Variants in CCDC169 observed in about 807,000 individuals in gnomAD.
CCDC169 encodes the protein coiled-coil domain-containing protein 169.
Under a neutral mutation model 36.0 loss-of-function variants are expected in CCDC169, and 30 were observed. That is an observed-to-expected ratio of 0.83 (90% CI 0.62 to 1.13). The LOEUF (loss-of-function observed/expected upper bound fraction) is 1.13. Ranked by LOEUF, CCDC169 falls within the 50% of genes most tolerant of loss-of-function variation. The pLI, the probability that CCDC169 is intolerant of heterozygous loss-of-function variation, is 0.00. For missense variants in CCDC169, 245 were observed against 245.9 expected (o/e 1.00, Z 0.03); for synonymous variants, 85 against 81.5 (o/e 1.04, Z -0.23).
downstream of CCDC169, chr13:36,226,875 G>A (rs760741176): frequency 8.3e-6 from 3 of 361,884 alleles, no homozygotes; most frequent in African/African-American, 2.1e-5. Context: ...GGGATTATTT[G>A]TGCCCCAAAT....
At chr13:36,292,079 C>T (rs1234191887) in intron 2 of CCDC169, among the ~76,000 whole-genome samples, 1 of 151,578 alleles carries the variant, frequency 6.6e-6, no homozygotes, top group Non-Finnish European at 1.5e-5. Flanking sequence ...ACCTCTACCT[C>T]CCGGTTCAAT....
At chr13:36,222,006 G>A (rs917222438), downstream of CCDC169, 12 of 152,150 alleles carry the variant, frequency 7.9e-5, no homozygotes, top group African/African-American at 1.9e-4. Context: ...TAGCAAAATG[G>A]ATTTTTATAT....
chr13:36,289,347 G>A (rs530454173), intron 2 of CCDC169, among the ~76,000 whole-genome samples: 1 of 152,068 alleles, frequency 6.6e-6, no homozygotes, highest in East Asian at 1.9e-4. Flanking sequence ...ATGCTAAAAT[G>A]TTTTATCTTA....
chr13:36,297,581 G>A, intron 1 of CCDC169, 56 bp downstream of exon 1: 1 of 1,511,218 alleles, frequency 6.6e-7, no homozygotes. Flanking sequence ...AGACTCTGCA[G>A]GTGAAGGCTC....
At chr13:36,262,581 C>A (rs934840693) in intron 4 of CCDC169, among the ~76,000 whole-genome samples, 3 of 152,226 alleles carry the variant, frequency 2.0e-5, no homozygotes, top group Admixed American at 2.0e-4. Context: ...AGCCTTCAAT[C>A]ATGAAAACCT....
At chr13:36,283,840 G>A (rs908517809) in intron 2 of CCDC169, 138 bp from the exon 3 acceptor site, 1 of 680,060 alleles carries the variant, frequency 1.5e-6, no homozygotes, top group African/African-American at 1.8e-5. Context: ...GAAGGAAATA[G>A]TTATTAAGTC....
intron 1 of CCDC169, among the ~76,000 whole-genome samples, chr13:36,297,115 T>C (rs1879603081): frequency 6.6e-6 from 1 of 152,194 alleles, no homozygotes; most frequent in Non-Finnish European, 1.5e-5. Flanking sequence ...CTCACGGGAC[T>C]TGTGGATGGA....
intron 4 of CCDC169, among the ~76,000 whole-genome samples, chr13:36,260,774 T>C (rs1566074121): frequency 6.6e-6 from 1 of 152,178 alleles, no homozygotes; most frequent in Non-Finnish European, 1.5e-5. Flanking sequence ...ATATTGTTTT[T>C]CATTTTTTGT....
chr13:36,273,882 C>T (rs748668957), intron 4 of CCDC169, among the ~76,000 whole-genome samples: 23 of 152,152 alleles, frequency 1.5e-4, no homozygotes, highest in Non-Finnish European at 2.5e-4. Context: ...TTGGTTTCTT[C>T]CTCCAGCCTC....
chr13:36,297,472 G>A (rs147764528), intron 1 of CCDC169, among the ~76,000 whole-genome samples, 165 bp downstream of exon 1: 24 of 152,272 alleles, frequency 1.6e-4, no homozygotes, highest in Non-Finnish European at 2.8e-4. Flanking sequence ...AAAGAGGCAC[G>A]TGAATCTTTC....
At chr13:36,271,469 G>A (rs1225097150) in intron 4 of CCDC169, among the ~76,000 whole-genome samples, 3 of 152,124 alleles carry the variant, frequency 2.0e-5, no homozygotes, top group Non-Finnish European at 4.4e-5. Context: ...ATGTTTATAG[G>A]AGCACAATTC....
chr13:36,297,521 G>A (rs1208279984), intron 1 of CCDC169, 116 bp downstream of exon 1: 1 of 950,088 alleles, frequency 1.1e-6, no homozygotes, highest in Non-Finnish European at 1.6e-6. Flanking sequence ...AAGTGCCCAG[G>A]GGTTAATCAC....
At chr13:36,290,494 C>T (rs1201530058) in intron 2 of CCDC169, among the ~76,000 whole-genome samples, 1 of 151,976 alleles carries the variant, frequency 6.6e-6, no homozygotes, top group Non-Finnish European at 1.5e-5. Flanking sequence ...GAATTTGAAA[C>T]TATTGAATCC....
chr13:36,263,306 C>T (rs1874832796), intron 4 of CCDC169, among the ~76,000 whole-genome samples: 1 of 152,074 alleles, frequency 6.6e-6, no homozygotes, highest in Non-Finnish European at 1.5e-5. Flanking sequence ...CACATTCTTG[C>T]AAATTAAAGG....
chr13:36,263,504 C>T lies in CCDC169; in HGVS notation c.316-9361G>A, dbSNP rs1053966366. ...TACTTCTCTAAACACTTTATTCTCT[C>T]TTAGATACTTCTTAACAATTATTAG... is the stretch of plus-strand genomic sequence containing the variant. On this transcript the variant is annotated intron_variant, in intron 4 of 7. Coordinates refer to ENST00000239859, the MANE Select transcript of CCDC169 (RefSeq NM_001144981.3). Among the ~76,000 whole-genome samples the T allele has an allele frequency of 3.3e-5, 5 of 152,138 alleles. No individual in the cohort carries two copies. In the South Asian group the frequency reaches 1.0e-3, roughly 32 times the overall value.
chr13:36,297,539 G>C, intron 1 of CCDC169, 98 bp downstream of exon 1: 1 of 1,206,992 alleles, frequency 8.3e-7, no homozygotes, highest in Non-Finnish European at 1.2e-6. Flanking sequence ...CACGGCGCCG[G>C]TCTTACAGCA....
At chr13:36,226,592 C>T (rs1242853119), downstream of CCDC169, 1 of 152,182 alleles carries the variant, frequency 6.6e-6, no homozygotes, top group African/African-American at 2.4e-5. Flanking sequence ...TCCTGATACA[C>T]ACCATGGAAT....
At chr13:36,272,116 T>TAAAATAAAATAAAATA (rs371631186) in intron 4 of CCDC169, among the ~76,000 whole-genome samples, 19 of 142,580 alleles carry the variant, frequency 1.3e-4, no homozygotes, top group African/African-American at 4.4e-4. Context: ...AATAAATAAA[T>TAAAATAAAATAAAATA]AAATAAAATA....
chr13:36,225,625 A>G (rs113861653), downstream of CCDC169: 2 of 152,344 alleles, frequency 1.3e-5, no homozygotes, highest in African/African-American at 4.8e-5. Flanking sequence ...ATGCACAGCA[A>G]AAGAAACTAG....
Sources: gnomAD v4.1 joint callset for allele counts (sites outside exome capture counted in the v4.1 genomes callset) on GRCh38, gnomAD v4.1.1 for gene constraint, MANE v1.5 for transcripts, NCBI Gene and HGNC (gene_info 2026-07-23, HGNC 2026-07-21) for gene names.